The following VPS13B variants were observed in gnomAD, a reference collection of about 807,000 sequenced individuals.
VPS13B encodes the protein intermembrane lipid transfer protein VPS13B.
In VPS13B, 285 loss-of-function variants were observed where a neutral mutation model predicts 426.4. The observed-to-expected ratio is 0.67, with a 90% CI of 0.61 to 0.74. VPS13B has a LOEUF of 0.74. VPS13B is among the 30% of genes least tolerant of loss of function. The pLI is 0.00. For missense variants in VPS13B, 4,537 were observed against 4,782.6 expected (o/e 0.95, Z 1.51); for synonymous variants, 1,676 against 1,676.4 (o/e 1.00, Z 0.01).
intron 39 of VPS13B, among the ~76,000 whole-genome samples, chr8:99,742,191 A>G (rs1318734309): frequency 6.6e-6 from 1 of 152,242 alleles, no homozygotes; most frequent in Non-Finnish European, 1.5e-5. Flanking sequence ...AGAATACTAT[A>G]AACACCTCTA....
At chr8:99,615,959 T>C (rs1828067505) in intron 33 of VPS13B, among the ~76,000 whole-genome samples, 1 of 152,140 alleles carries the variant, frequency 6.6e-6, no homozygotes, top group Non-Finnish European at 1.5e-5. Context: ...TATATGTAGG[T>C]AGGTGTTTTC....
chr8:99,542,341 A>AT (rs1277946766), intron 30 of VPS13B, among the ~76,000 whole-genome samples: 3 of 152,088 alleles, frequency 2.0e-5, no homozygotes, highest in African/African-American at 7.2e-5. Context: ...GATAAGGGAG[A>AT]TTTTCTCAGA....
intron 31 of VPS13B, among the ~76,000 whole-genome samples, chr8:99,557,557 C>T (rs992293667): frequency 2.6e-5 from 4 of 152,162 alleles, no homozygotes; most frequent in Admixed American, 6.6e-5. Context: ...ACGGGCACTT[C>T]GATTGTTTAC....
intron 59 of VPS13B, 67 bp from the exon 60 acceptor site, chr8:99,870,718 A>G (rs1817352482): frequency 2.8e-6 from 4 of 1,443,048 alleles, no homozygotes; most frequent in South Asian, 2.3e-5. Context: ...AACAGATGAC[A>G]TCATTGCAGC....
chr8:99,660,080 T>C (rs1830165947), intron 34 of VPS13B, among the ~76,000 whole-genome samples: 1 of 152,230 alleles, frequency 6.6e-6, no homozygotes, highest in Non-Finnish European at 1.5e-5. Flanking sequence ...CTACTATGCA[T>C]ATTCTCACTG....
At chr8:99,740,920 A>G (rs900535768) in intron 39 of VPS13B, among the ~76,000 whole-genome samples, 35 of 152,208 alleles carry the variant, frequency 2.3e-4, no homozygotes, top group African/African-American at 7.2e-4. Flanking sequence ...ATCAACTAAC[A>G]AGCAAAATAA....
At chr8:99,838,984 C>T (rs1018573792) in intron 54 of VPS13B, among the ~76,000 whole-genome samples, 1 of 152,168 alleles carries the variant, frequency 6.6e-6, no homozygotes, top group African/African-American at 2.4e-5. Context: ...GCTGGTGAGG[C>T]GATGAGAGAC....
At chr8:99,544,692 A>AAACAAC (rs113708807) in intron 30 of VPS13B, among the ~76,000 whole-genome samples, 39,690 of 151,612 alleles carry the variant, frequency 0.26, 5,883 homozygotes, top group East Asian at 0.44. Flanking sequence ...ATGTGCTGCA[A>AAACAAC]AACAACAACA....
chr8:99,609,196 T>G (rs1295126422), intron 33 of VPS13B, among the ~76,000 whole-genome samples: 1 of 152,196 alleles, frequency 6.6e-6, no homozygotes, highest in Non-Finnish European at 1.5e-5. Context: ...CCATGCACGA[T>G]TTTGTAACAT....
intron 39 of VPS13B, among the ~76,000 whole-genome samples, chr8:99,728,691 C>T (rs1833458963): frequency 6.6e-6 from 1 of 152,214 alleles, no homozygotes; most frequent in South Asian, 2.1e-4. Flanking sequence ...ACACTATCTT[C>T]CCCACAGTTA....
intron 21 of VPS13B, among the ~76,000 whole-genome samples, chr8:99,405,638 C>T (rs2133345417): frequency 6.6e-6 from 1 of 152,268 alleles, no homozygotes; most frequent in Admixed American, 6.5e-5. Flanking sequence ...TCCTATTGCA[C>T]TTAAGATATA....
intron 39 of VPS13B, among the ~76,000 whole-genome samples, chr8:99,730,126 C>T (rs886236445): frequency 4.6e-5 from 7 of 152,214 alleles, no homozygotes; most frequent in African/African-American, 1.7e-4. Flanking sequence ...TTCCCAGAAT[C>T]CTGAGCCTTT....
chr8:99,800,349 C>T (rs1813059565), intron 43 of VPS13B, among the ~76,000 whole-genome samples: 1 of 151,948 alleles, frequency 6.6e-6, no homozygotes, highest in African/African-American at 2.4e-5. Context: ...TTTTCAGTCA[C>T]GTATCATTTA....
intron 16 of VPS13B, among the ~76,000 whole-genome samples, chr8:99,179,988 G>A (rs1411683903): frequency 6.6e-6 from 1 of 152,090 alleles, no homozygotes; most frequent in Non-Finnish European, 1.5e-5. Flanking sequence ...TAAAATTTTA[G>A]TGACTTTTCC....
intron 12 of VPS13B, among the ~76,000 whole-genome samples, chr8:99,138,553 A>T (rs1232048923): frequency 3.3e-5 from 5 of 152,246 alleles, no homozygotes; most frequent in African/African-American, 1.2e-4. Flanking sequence ...TTTAAAAACA[A>T]AATTTAAATA....
At chr8:99,430,702 ACCC>A (rs796824615) in intron 21 of VPS13B, among the ~76,000 whole-genome samples, 2 of 124,908 alleles carry the variant, frequency 1.6e-5, no homozygotes, top group African/African-American at 5.8e-5. Context: ...ATCAAAATCC[ACCC>A]CCCCCCCAAC....
At chr8:99,575,897 A>G in intron 32 of VPS13B, 113 bp downstream of exon 32, 2 of 1,039,432 alleles carry the variant, frequency 1.9e-6, no homozygotes, top group Non-Finnish European at 2.9e-6. Flanking sequence ...CTCATTAATA[A>G]TAATGGCTAC....
At chr8:99,685,857 T>C (rs1033656744) in intron 35 of VPS13B, among the ~76,000 whole-genome samples, 10 of 152,190 alleles carry the variant, frequency 6.6e-5, no homozygotes, top group African/African-American at 2.2e-4. Flanking sequence ...CTCTGGTACC[T>C]TAGTTTGTTT....
intron 51 of VPS13B, among the ~76,000 whole-genome samples, chr8:99,825,495 C>T (rs2514676): frequency 0.36 from 55,390 of 151,902 alleles, 10,315 homozygotes; most frequent in East Asian, 0.47. Flanking sequence ...GATGGATAGA[C>T]TGCAAAAATT....
Sources: allele counts gnomAD v4.1 joint callset (sites outside exome capture counted in the v4.1 genomes callset), GRCh38; gene constraint gnomAD v4.1.1; transcripts MANE v1.5; gene names NCBI Gene and HGNC (gene_info 2026-07-23, HGNC 2026-07-21).